Variants in BABAM2 observed in about 807,000 individuals in gnomAD.
BABAM2 encodes BRISC and BRCA1-A complex member 2.
In BABAM2, 31 loss-of-function variants were observed where a neutral mutation model predicts 54.7. The ratio of observed to expected loss-of-function variants is 0.57; its 90% CI spans 0.43 to 0.77. The LOEUF (loss-of-function observed/expected upper bound fraction) is 0.77. Among genes scored for constraint, BABAM2 ranks in the 30% least tolerant of loss-of-function variants. BABAM2 has a pLI of 0.00. For synonymous variants in BABAM2, 167 were observed against 162.9 expected (o/e 1.03, Z -0.19); for missense variants, 364 against 455.8 (o/e 0.80, Z 1.83).
intron 2 of BABAM2, among the ~76,000 whole-genome samples, chr2:27,908,269 A>ATT (rs1312618964): frequency 6.8e-6 from 1 of 147,670 alleles, no homozygotes; most frequent in African/African-American, 2.5e-5. Context: ...TTTAAAAACA[A>ATT]TTTTTTTTTT....
intron 6 of BABAM2, among the ~76,000 whole-genome samples, chr2:28,061,502 G>T (rs1189019449): frequency 1.3e-5 from 2 of 149,194 alleles, no homozygotes; most frequent in Non-Finnish European, 3.0e-5. Flanking sequence ...GGAGAATGAC[G>T]TGAACCTGGG....
chr2:28,263,455 T>C (rs1684714541), intron 10 of BABAM2, among the ~76,000 whole-genome samples: 1 of 152,346 alleles, frequency 6.6e-6, no homozygotes, highest in South Asian at 2.1e-4. Flanking sequence ...CCTAGCAGTT[T>C]ACTAAAGCTT....
chr2:28,095,002 C>A (rs566793435), intron 6 of BABAM2, among the ~76,000 whole-genome samples: 1 of 151,456 alleles, frequency 6.6e-6, no homozygotes, highest in Non-Finnish European at 1.5e-5. Context: ...TTATGATAGC[C>A]AGTCTTTGGC....
intron 7 of BABAM2, among the ~76,000 whole-genome samples, chr2:28,160,718 A>G (rs1384167146): frequency 6.6e-6 from 1 of 150,820 alleles, no homozygotes; most frequent in Non-Finnish European, 1.5e-5. Flanking sequence ...ATGAACATAG[A>G]AAGGAACATA....
At chr2:28,280,118 G>T (rs1388158110) in intron 10 of BABAM2, among the ~76,000 whole-genome samples, 1 of 151,602 alleles carries the variant, frequency 6.6e-6, no homozygotes, top group Non-Finnish European at 1.5e-5. Context: ...GAATGCAATG[G>T]TTTGAACACA....
At chr2:28,061,778 T>A (rs1054366276) in intron 6 of BABAM2, among the ~76,000 whole-genome samples, 1 of 152,002 alleles carries the variant, frequency 6.6e-6, no homozygotes, top group Non-Finnish European at 1.5e-5. Flanking sequence ...CAATAACTTT[T>A]TTTTTTTAAA....
chr2:28,140,737 G>C (rs1483316458), intron 7 of BABAM2, among the ~76,000 whole-genome samples: 3 of 151,946 alleles, frequency 2.0e-5, no homozygotes, highest in African/African-American at 7.3e-5. Context: ...GTAAGTATAT[G>C]TGCATACATA....
intron 7 of BABAM2, among the ~76,000 whole-genome samples, chr2:28,232,400 C>T (rs530478773): frequency 6.6e-6 from 1 of 152,252 alleles, no homozygotes; most frequent in African/African-American, 2.4e-5. Context: ...AAAACAATTC[C>T]TTTATGCCGT....
chr2:28,151,911 G>A (rs998631414), intron 7 of BABAM2, among the ~76,000 whole-genome samples: 2 of 152,224 alleles, frequency 1.3e-5, no homozygotes, highest in South Asian at 2.1e-4. Flanking sequence ...CCCACTGTTC[G>A]TGGGCACTGA....
chr2:28,249,958 T>G (rs1248315761), intron 10 of BABAM2, among the ~76,000 whole-genome samples: 2 of 152,080 alleles, frequency 1.3e-5, no homozygotes, highest in East Asian at 3.8e-4. Context: ...TGAAGTCTAA[T>G]GAGAAAAACA....
At chr2:28,301,929 A>T (rs1054139923) in intron 11 of BABAM2, among the ~76,000 whole-genome samples, 22 of 152,132 alleles carry the variant, frequency 1.4e-4, no homozygotes, top group African/African-American at 4.8e-4. Flanking sequence ...ATATCTTTTG[A>T]CAAGTTTTGA....
At chr2:28,040,291 A>ATTTTTTTTT (rs1204898070) in intron 5 of BABAM2, among the ~76,000 whole-genome samples, 5 of 97,260 alleles carry the variant, frequency 5.1e-5, no homozygotes, top group African/African-American at 7.4e-5. Flanking sequence ...GAAAAACTGA[A>ATTTTTTTTT]TTCTTTTTTT....
intron 6 of BABAM2, among the ~76,000 whole-genome samples, chr2:28,081,709 G>A (rs1279292811): frequency 6.6e-6 from 1 of 152,088 alleles, no homozygotes; most frequent in Non-Finnish European, 1.5e-5. Context: ...AATTTAGGTT[G>A]TTGAACAGAA....
intron 7 of BABAM2, among the ~76,000 whole-genome samples, chr2:28,214,672 G>A (rs1295805507): frequency 6.6e-6 from 1 of 152,050 alleles, no homozygotes; most frequent in African/African-American, 2.4e-5. Context: ...CCAATCCTAG[G>A]TGGGGAAACA....
intron 7 of BABAM2, among the ~76,000 whole-genome samples, chr2:28,143,315 G>GA (rs1452004377): frequency 6.6e-6 from 1 of 151,986 alleles, no homozygotes; most frequent in Non-Finnish European, 1.5e-5. Flanking sequence ...CACAGAAACA[G>GA]AGAGTACAAC....
intron 10 of BABAM2, among the ~76,000 whole-genome samples, chr2:28,295,812 TA>T (rs1572364297): frequency 6.6e-6 from 1 of 150,714 alleles, no homozygotes; most frequent in Admixed American, 6.6e-5. Flanking sequence ...TAGGCCTTTT[TA>T]AAAAATTAAT....
chr2:28,130,808 C>G (rs190541374), intron 7 of BABAM2, among the ~76,000 whole-genome samples: 1 of 151,726 alleles, frequency 6.6e-6, no homozygotes, highest in African/African-American at 2.4e-5. Context: ...GGTGCAATCT[C>G]GGCTCACTGC....
chr2:28,327,381 G>A lies in BABAM2; in HGVS notation c.1089-11069G>A, dbSNP rs1239432953. On this transcript the variant is annotated intron_variant, in intron 11 of 11. Coordinates refer to ENST00000379624, the MANE Select transcript of BABAM2 (RefSeq NM_199191.3). ...CTCCAGCCCCAGAGGAACTGGCCAA[G>A]CTCCAGAGGGCCTCCTTGGAGGGCC... 5 of 1,613,550 alleles carry A rather than the reference G, an allele frequency of 3.1e-6. No individual in the cohort carries two copies. The South Asian group carries it at 5.5e-5, about 18-fold the overall frequency.
chr2:28,074,596 A>G (rs1327606664), intron 6 of BABAM2, among the ~76,000 whole-genome samples: 1 of 152,158 alleles, frequency 6.6e-6, no homozygotes, highest in Admixed American at 6.5e-5. Flanking sequence ...TAACCCCTAT[A>G]TGAGAAGTCA....
Sources: gnomAD v4.1 joint callset for allele counts (sites outside exome capture counted in the v4.1 genomes callset) on GRCh38, gnomAD v4.1.1 for gene constraint, MANE v1.5 for transcripts, NCBI Gene and HGNC (gene_info 2026-07-23, HGNC 2026-07-21) for gene names.